The following SUGCT variants were observed in gnomAD, a reference collection of about 807,000 sequenced individuals.
SUGCT encodes succinyl-CoA:glutarate-CoA transferase.
Under a neutral mutation model 55.0 loss-of-function variants are expected in SUGCT, and 41 were observed. That is an observed-to-expected ratio of 0.74 (90% confidence interval 0.58 to 0.97). SUGCT has a LOEUF of 0.97. SUGCT is among the 50% of genes least tolerant of loss of function. SUGCT has a pLI of 0.00. For synonymous variants in SUGCT, 187 were observed against 200.4 expected (o/e 0.93, Z 0.56); for missense variants, 568 against 547.8 (o/e 1.04, Z -0.37).
chr7:40,445,907 A>C (rs1481450559), intron 9 of SUGCT, among the ~76,000 whole-genome samples: 2 of 152,260 alleles, frequency 1.3e-5, no homozygotes, highest in South Asian at 2.1e-4. Flanking sequence ...TCTGAGGCTC[A>C]GTTGCCATGA....
chr7:40,412,697 G>A (rs1171868615), intron 9 of SUGCT, among the ~76,000 whole-genome samples: 1 of 152,026 alleles, frequency 6.6e-6, no homozygotes, highest in South Asian at 2.1e-4. Flanking sequence ...TTTCTGCAAT[G>A]TTGGTTCTGA....
chr7:40,138,769 T>A (rs10081308), intron 1 of SUGCT, among the ~76,000 whole-genome samples: 55,452 of 152,020 alleles, frequency 0.36, 11,334 homozygotes, highest in Middle Eastern at 0.58. Flanking sequence ...GAACATTTTT[T>A]AAAAATTTTA....
chr7:40,519,676 A>G (rs1793423508), intron 12 of SUGCT, among the ~76,000 whole-genome samples: 1 of 152,060 alleles, frequency 6.6e-6, no homozygotes, highest in African/African-American at 2.4e-5. Context: ...AAACATTTTA[A>G]TGGGCCAATG....
chr7:40,890,362 A>ATT, the SUGCT span, among the ~76,000 whole-genome samples: 2 of 146,120 alleles, frequency 1.4e-5, no homozygotes, highest in Non-Finnish European at 3.0e-5. Context: ...TATTTATAAT[A>ATT]ATATAAATAT....
At position 40,278,638 on chromosome 7, in the gene SUGCT, C is replaced by T. The variant is rs529379396; in HGVS notation, c.720+3982C>T. Among the ~76,000 whole-genome samples, 4 of 152,054 alleles carry T rather than the reference C, an allele frequency of 2.6e-5. No homozygotes were observed. The South Asian group carries it at 8.3e-4, about 32-fold the overall frequency. The stretch of plus-strand genomic sequence containing the variant: ...CTCTGCTTTATTCCTTGTCTCTGTC[C>T]TCCCTTTCTTCTCATGTGCCCTTCT... On this transcript the variant is annotated intron_variant, in intron 8 of 13. Coordinates refer to ENST00000335693, the MANE Select transcript of SUGCT (RefSeq NM_001193313.2).
At chr7:40,973,346 A>G in the SUGCT span, among the ~76,000 whole-genome samples, 34 of 152,360 alleles carry the variant, frequency 2.2e-4, no homozygotes, top group Non-Finnish European at 4.4e-4. Flanking sequence ...ATTATTTGAC[A>G]TAAGTCTCAT....
At chr7:40,169,641 A>G (rs1784579584) in intron 1 of SUGCT, among the ~76,000 whole-genome samples, 1 of 152,120 alleles carries the variant, frequency 6.6e-6, no homozygotes, top group South Asian at 2.1e-4. Context: ...TGTGGACTGC[A>G]CTGGAAGCAA....
chr7:40,684,196 T>C, intron 12 of SUGCT: 1 of 1,511,468 alleles, frequency 6.6e-7, no homozygotes, highest in South Asian at 1.4e-5. Flanking sequence ...TAATCCAGGA[T>C]AATTTCTCCA....
intron 12 of SUGCT, among the ~76,000 whole-genome samples, chr7:40,642,248 T>C (rs1800301039): frequency 6.6e-6 from 1 of 152,242 alleles, no homozygotes; most frequent in Admixed American, 6.5e-5. Flanking sequence ...TTATATACTT[T>C]CGATGATGTT....
chr7:40,894,536 C>T, the SUGCT span, among the ~76,000 whole-genome samples: 1 of 152,114 alleles, frequency 6.6e-6, no homozygotes, highest in Non-Finnish European at 1.5e-5. Context: ...AGACAACCTA[C>T]AGAATGGGAG....
chr7:40,420,479 C>T (rs1353321495), intron 9 of SUGCT, among the ~76,000 whole-genome samples: 1 of 152,082 alleles, frequency 6.6e-6, no homozygotes, highest in African/African-American at 2.4e-5. Context: ...GCTGGGATTA[C>T]AGGTGCCCGC....
chr7:40,812,174 A>T (rs564570761), intron 13 of SUGCT, among the ~76,000 whole-genome samples: 7 of 152,060 alleles, frequency 4.6e-5, no homozygotes, highest in Admixed American at 2.6e-4. Context: ...TATTTTGTTG[A>T]TGATTGGCCT....
intron 11 of SUGCT, among the ~76,000 whole-genome samples, chr7:40,476,828 C>T (rs1264856586): frequency 2.7e-5 from 4 of 149,830 alleles, no homozygotes; most frequent in Non-Finnish European, 4.4e-5. Context: ...GAGACAGTCT[C>T]ACTCTGTTGC....
chr7:40,315,270 T>A (rs1795365112), intron 8 of SUGCT, among the ~76,000 whole-genome samples: 1 of 152,260 alleles, frequency 6.6e-6, no homozygotes, highest in Admixed American at 6.5e-5. Context: ...CATCCATGTC[T>A]GGACTTCCTA....
intron 9 of SUGCT, among the ~76,000 whole-genome samples, chr7:40,398,884 C>T (rs945763885): frequency 7.9e-5 from 12 of 152,136 alleles, no homozygotes; most frequent in Non-Finnish European, 2.9e-5. Flanking sequence ...TTGTATTGAG[C>T]CTTCATGCTT....
intron 12 of SUGCT, chr7:40,498,917 G>C (rs1792131928): frequency 5.4e-6 from 2 of 371,314 alleles, no homozygotes; most frequent in Non-Finnish European, 1.1e-5. Context: ...CAAAATCTAT[G>C]CCAAGAAGAG....
At chr7:40,364,032 C>A (rs2151229966) in intron 9 of SUGCT, among the ~76,000 whole-genome samples, 1 of 150,828 alleles carries the variant, frequency 6.6e-6, no homozygotes, top group Non-Finnish European at 1.5e-5. Context: ...GGATAGTTAG[C>A]TCTTCTTGTT....
At chr7:40,439,878 T>G (rs1333602735) in intron 9 of SUGCT, among the ~76,000 whole-genome samples, 5 of 152,138 alleles carry the variant, frequency 3.3e-5, no homozygotes. Flanking sequence ...GTGATTCATG[T>G]CAAACTGCAT....
At chr7:40,570,055 A>C (rs558069683) in intron 12 of SUGCT, among the ~76,000 whole-genome samples, 149 of 152,352 alleles carry the variant, frequency 9.8e-4, no homozygotes, top group African/African-American at 3.3e-3. Flanking sequence ...GAGGGTTTCA[A>C]GAGAAATTAC....
Sources: allele counts gnomAD v4.1 joint callset (sites outside exome capture counted in the v4.1 genomes callset), GRCh38; gene constraint gnomAD v4.1.1; transcripts MANE v1.5; gene names NCBI Gene and HGNC (gene_info 2026-07-23, HGNC 2026-07-21).